Variants in STK32C observed in about 807,000 individuals in gnomAD.
STK32C encodes serine/threonine kinase 32C.
A neutral mutation model predicts 56.5 loss-of-function variants in STK32C; 31 were observed. That is an observed-to-expected ratio of 0.55 (90% CI 0.41 to 0.74). The LOEUF (loss-of-function observed/expected upper bound fraction) is 0.74. STK32C is among the 30% of genes least tolerant of loss of function. The pLI, the probability that STK32C is intolerant of heterozygous loss-of-function variation, is 0.00. For synonymous variants in STK32C, 309 were observed against 289.4 expected, an observed-to-expected ratio of 1.07 and a Z score of -0.69; for missense variants, 544 against 676.9, an observed-to-expected ratio of 0.80 and a Z score of 2.18.
At chr10:132,317,439 C>T (rs1021391329) in intron 1 of STK32C, among the ~76,000 whole-genome samples, 1 of 152,154 alleles carries the variant, frequency 6.6e-6, no homozygotes, top group African/African-American at 2.4e-5. Context: ...ATTAAGAAAA[C>T]AGACAAGGGG....
chr10:132,263,990 G>A (rs566515466), intron 1 of STK32C, among the ~76,000 whole-genome samples: 1 of 152,268 alleles, frequency 6.6e-6, no homozygotes, highest in African/African-American at 2.4e-5. Flanking sequence ...AGAGACAAGA[G>A]TTCATGCATC....
intron 1 of STK32C, among the ~76,000 whole-genome samples, chr10:132,259,913 A>G (rs1049392863): frequency 2.6e-5 from 4 of 152,202 alleles, no homozygotes; most frequent in African/African-American, 9.6e-5. Flanking sequence ...ACTGGCCTGA[A>G]TAAGCCCATC....
intron 1 of STK32C, among the ~76,000 whole-genome samples, chr10:132,289,490 C>T (rs1439965353): frequency 6.6e-6 from 1 of 152,228 alleles, no homozygotes; most frequent in Non-Finnish European, 1.5e-5. Flanking sequence ...ATTGCACAGA[C>T]ACTTCACAAA....
intron 1 of STK32C, among the ~76,000 whole-genome samples, chr10:132,329,617 C>G (rs1250607454): frequency 2.6e-5 from 4 of 152,186 alleles, no homozygotes; most frequent in Admixed American, 6.5e-5. Context: ...GGAGACAGAA[C>G]TAGTAAACTG....
intron 1 of STK32C, among the ~76,000 whole-genome samples, chr10:132,250,977 G>A (rs1339722284): frequency 6.6e-6 from 1 of 152,182 alleles, no homozygotes; most frequent in Non-Finnish European, 1.5e-5. Context: ...AGGGTACAGT[G>A]GCGGTCTGCA....
chr10:132,225,519 G>T lies in STK32C; in HGVS notation c.772+8C>A, dbSNP rs201790118. 4.1e-4 allele frequency: 669 copies of T among 1,613,628 alleles called. No homozygotes were observed. The highest frequency in any genetic ancestry group is 5.3e-4 in the Non-Finnish European group (627 of 1,180,018). ...CAGCTCCCATCTGGAACCCCAGCTC[G>T]GGCTCACCCATGTACGGCTTGGTGC... is the stretch of plus-strand genomic sequence containing the variant. On this transcript the variant is annotated splice_region_variant and intron_variant, in intron 6 of 11. Transcript: ENST00000298630.
intron 11 of STK32C, 115 bp from the exon 12 acceptor site, chr10:132,208,266 G>A: frequency 1.7e-6 from 2 of 1,196,248 alleles, no homozygotes; most frequent in Non-Finnish European, 2.1e-6. Flanking sequence ...CCAAACGTGG[G>A]CCACAGGCTC....
At chr10:132,324,122 A>C (rs1250821320) in exon 2 of STK32C, 1 of 658,532 alleles carries the variant, frequency 1.5e-6, no homozygotes, top group Non-Finnish European at 2.8e-6. Flanking sequence ...ACCCACTCCA[A>C]TCACAGCAGC....
chr10:132,311,166 C>G (rs547277715), upstream of STK32C, among the ~76,000 whole-genome samples: 4 of 152,330 alleles, frequency 2.6e-5, no homozygotes, highest in East Asian at 7.7e-4. The surrounding 1 kb of genome is among the most constrained non-coding windows in gnomAD (Gnocchi z 4.4). Context: ...TCAGTCACAC[C>G]GAGATGTGTG....
At chr10:132,331,564 G>T in exon 1 of STK32C, 1 of 1,612,932 alleles carries the variant, frequency 6.2e-7, no homozygotes. Context: ...GCTCCTGTGG[G>T]AAGTGGCTCC....
intron 1 of STK32C, among the ~76,000 whole-genome samples, chr10:132,256,883 G>A (rs1272102953): frequency 6.6e-6 from 1 of 152,312 alleles, no homozygotes; most frequent in South Asian, 2.1e-4. Flanking sequence ...GTGGGGCTTG[G>A]GGTTCCTCCT....
intron 1 of STK32C, among the ~76,000 whole-genome samples, chr10:132,269,038 CGT>C (rs1247323571): frequency 1.2e-4 from 15 of 122,060 alleles, no homozygotes; most frequent in East Asian, 7.7e-4. Flanking sequence ...TGTCCCACAT[CGT>C]GTGTGTGTGT....
intron 1 of STK32C, among the ~76,000 whole-genome samples, chr10:132,331,174 C>A (rs531967969): frequency 7.7e-6 from 1 of 130,042 alleles, no homozygotes; most frequent in Non-Finnish European, 1.6e-5. Flanking sequence ...GCACTCCAGC[C>A]TGGGAGACAA....
At chr10:132,299,052 C>T (rs1187554028) in intron 1 of STK32C, among the ~76,000 whole-genome samples, 1 of 152,152 alleles carries the variant, frequency 6.6e-6, no homozygotes, top group Non-Finnish European at 1.5e-5. Flanking sequence ...GCACAGACAG[C>T]TAATCCACCA....
At chr10:132,262,649 A>G (rs1305896121) in intron 1 of STK32C, among the ~76,000 whole-genome samples, 2 of 151,444 alleles carry the variant, frequency 1.3e-5, no homozygotes, top group African/African-American at 4.9e-5. Flanking sequence ...ACAGTGGCTC[A>G]CGCCTGTAAT....
upstream of STK32C, chr10:132,331,972 C>T: frequency 2.0e-6 from 1 of 494,944 alleles, no homozygotes; most frequent in Admixed American, 4.4e-5. Context: ...ACACCCCGCC[C>T]CCTCCCGGGC....
At chr10:132,330,726 T>C (rs939462522) in intron 1 of STK32C, among the ~76,000 whole-genome samples, 1 of 147,028 alleles carries the variant, frequency 6.8e-6, no homozygotes, top group African/African-American at 2.5e-5. Flanking sequence ...CCCAGGCTGG[T>C]CTCCAACTCC....
intron 1 of STK32C, among the ~76,000 whole-genome samples, chr10:132,300,966 C>T (rs543868688): frequency 2.6e-5 from 4 of 152,274 alleles, no homozygotes; most frequent in East Asian, 1.9e-4. Context: ...CTCAACGGAG[C>T]TTTTTAGGTG....
intron 1 of STK32C, among the ~76,000 whole-genome samples, chr10:132,246,504 A>G (rs979971720): frequency 6.6e-6 from 1 of 152,204 alleles, no homozygotes; most frequent in African/African-American, 2.4e-5. Context: ...GAGGCGGCTC[A>G]GGGCTGTGGC....
Sources: allele counts gnomAD v4.1 joint callset (sites outside exome capture counted in the v4.1 genomes callset), GRCh38; gene constraint gnomAD v4.1.1; non-coding constraint Gnocchi (gnomAD v3.1); transcripts MANE v1.5; gene names NCBI Gene and HGNC (gene_info 2026-07-23, HGNC 2026-07-21).